Variants in RASGRP3 observed in about 807,000 individuals in gnomAD.
RASGRP3 encodes RAS guanyl releasing protein 3, also known as ras guanyl-releasing protein 3.
A neutral mutation model predicts 82.7 loss-of-function variants in RASGRP3; 54 were observed. The ratio of observed to expected loss-of-function variants is 0.65; its 90% CI spans 0.52 to 0.82. The LOEUF is 0.82. RASGRP3 is among the 40% of genes least tolerant of loss of function. RASGRP3 has a pLI of 0.00. For missense variants in RASGRP3, 861 were observed against 828.9 expected, an observed-to-expected ratio of 1.04 and a Z score of -0.48; for synonymous variants, 309 against 300.5, an observed-to-expected ratio of 1.03 and a Z score of -0.29.
At chr2:33,445,776 A>G (rs1023964871) in intron 1 of RASGRP3, among the ~76,000 whole-genome samples, 5 of 152,230 alleles carry the variant, frequency 3.3e-5, no homozygotes, top group Non-Finnish European at 5.9e-5. Context: ...AACCAAACAG[A>G]AAAAGTATAT....
chr2:33,525,077 T>C (rs184572657), intron 9 of RASGRP3, among the ~76,000 whole-genome samples: 4 of 120,688 alleles, frequency 3.3e-5, no homozygotes, highest in Admixed American at 1.9e-4. Context: ...CGAGACTCCA[T>C]CTCAAAAAAA....
intron 2 of RASGRP3, among the ~76,000 whole-genome samples, chr2:33,468,433 G>T (rs768652770): frequency 1.3e-5 from 2 of 150,460 alleles, no homozygotes; most frequent in Non-Finnish European, 3.0e-5. Context: ...ACGGAGTCTC[G>T]CTCTGTTGCC....
At chr2:33,532,116 G>T (rs370153852) in intron 10 of RASGRP3, 1 of 152,218 alleles carries the variant, frequency 6.6e-6, no homozygotes, top group Non-Finnish European at 1.5e-5. Context: ...GTTGTCTGTT[G>T]TGGGAATTAC....
Position 33,563,475 on chromosome 2 carries a change from T to C in RASGRP3, c.*738T>C, listed in dbSNP as rs1228170304. 2 of 152,188 alleles carry C rather than the reference T, an allele frequency of 1.3e-5. No individual in the cohort carries two copies. Among genetic ancestry groups the C allele is most frequent in the Non-Finnish European group, 1.5e-5 (1 of 68,020 alleles). The allele number at this position is 152,188 out of a possible 1,614,324, so 9.4% of individuals were successfully genotyped here. A position where few individuals can be genotyped will look rare whatever the true frequency, so the allele number is the denominator to read the frequency against. On this transcript the variant is annotated 3_prime_UTR_variant, in exon 18 of 18. Coordinates refer to ENST00000403687, the MANE Select transcript of RASGRP3 (RefSeq NM_001139488.2). ...TGGTCGTGAAAGCTCTCCTAATACT[T>C]ACTTAAATAGCCATGGAAGAAAATT...
intron 13 of RASGRP3, among the ~76,000 whole-genome samples, chr2:33,548,714 A>T (rs187582806): frequency 0.013 from 2,003 of 151,710 alleles, 20 homozygotes; most frequent in Non-Finnish European, 0.018. Flanking sequence ...TATTATTATT[A>T]TTATTTTTTG....
At chr2:33,456,553 G>C (rs1666046763) in intron 2 of RASGRP3, among the ~76,000 whole-genome samples, 1 of 152,078 alleles carries the variant, frequency 6.6e-6, no homozygotes, top group Non-Finnish European at 1.5e-5. Flanking sequence ...TTTAAATTCT[G>C]ATCTCAGTCT....
rs762776322 is a variant in RASGRP3 at position 33,539,153 on chromosome 2, G to T, written c.1221G>T (p.Gly407=). 5.0e-6 allele frequency: 8 copies of T among 1,612,092 alleles called. No homozygotes were observed. The highest frequency in any genetic ancestry group is 2.7e-5 in the African/African-American group (2 of 74,952). The part of the protein sequence containing the change: ...KPVVPLEWAL[G]VMPKPDPTVI... The stretch of plus-strand genomic sequence containing the variant: ...TGGTACCCCTGGAGTGGGCATTAGG[G>T]GTGATGCCAAAGCCAGACCCCACGG... The change falls in exon 12 of 18, where the codon GGG becomes GGT. Residue 407 remains glycine (G), a synonymous_variant. Transcript: ENST00000403687.
chr2:33,439,903 C>T (rs1249266590), intron 1 of RASGRP3, among the ~76,000 whole-genome samples: 4 of 152,108 alleles, frequency 2.6e-5, no homozygotes, highest in African/African-American at 9.7e-5. Flanking sequence ...GGGGAGAGAT[C>T]AGGGCACCGA....
At chr2:33,518,525 T>C (rs151078488) in intron 4 of RASGRP3, among the ~76,000 whole-genome samples, 2 of 152,298 alleles carry the variant, frequency 1.3e-5, no homozygotes, top group Admixed American at 6.5e-5. Context: ...CACCAAATTA[T>C]AAAAATATTT....
chr2:33,495,655 G>A (rs1320163686), intron 1 of RASGRP3, among the ~76,000 whole-genome samples: 1 of 152,222 alleles, frequency 6.6e-6, no homozygotes, highest in Non-Finnish European at 1.5e-5. Context: ...ACTCTGGGAG[G>A]CTGAGGCAGA....
At chr2:33,442,882 TG>T (rs1301638072) in intron 1 of RASGRP3, among the ~76,000 whole-genome samples, 1 of 41,950 alleles carries the variant, frequency 2.4e-5, no homozygotes, top group Non-Finnish European at 4.8e-5. Flanking sequence ...AAATCACTAT[TG>T]TTTTTTTTTT....
intron 13 of RASGRP3, among the ~76,000 whole-genome samples, chr2:33,547,442 A>G (rs560774728): frequency 1.4e-4 from 19 of 138,196 alleles, no homozygotes; most frequent in Middle Eastern, 4.2e-3. Flanking sequence ...CATAGGAGGT[A>G]AGAAAGGGAT....
intron 12 of RASGRP3, 78 bp from the exon 13 acceptor site, chr2:33,543,434 A>T: frequency 1.3e-6 from 1 of 791,882 alleles, no homozygotes; most frequent in Non-Finnish European, 2.1e-6. Flanking sequence ...ATCATATGCT[A>T]GTTATCGTTG....
chr2:33,554,476 CTCT>C (rs911327771), intron 14 of RASGRP3, among the ~76,000 whole-genome samples: 5 of 151,936 alleles, frequency 3.3e-5, no homozygotes, highest in African/African-American at 1.2e-4. Context: ...TGGCAAGGCC[CTCT>C]TCTTTTTTTT....
In RASGRP3 at chr2:33,519,999, T is replaced by C; in HGVS notation, c.221T>C (p.Ile74Thr). ...AGCTGCAATGAATTTCGATTAAAGA[T>C]CTGCTACTTCATGAGGTAAATATAT... ...GESCNEFRLK[I>T]CYFMRYWILK... Residue 74 changes from isoleucine to threonine, a missense_variant, in exon 5 of 18, where the codon ATC becomes ACC. Coordinates refer to ENST00000403687, the MANE Select transcript of RASGRP3 (RefSeq NM_001139488.2). 1 of 1,607,628 alleles carries C rather than the reference T, an allele frequency of 6.2e-7. No homozygotes were observed. Among genetic ancestry groups the C allele is most frequent in the Non-Finnish European group, 8.5e-7 (1 of 1,176,364 alleles).
chr2:33,472,299 C>T (rs546600838), upstream of RASGRP3, among the ~76,000 whole-genome samples: 7 of 152,180 alleles, frequency 4.6e-5, no homozygotes, highest in East Asian at 3.9e-4. Flanking sequence ...GAAATGCAAC[C>T]GCAGCGAAAT....
In RASGRP3 at chr2:33,500,837, G is replaced by A. The variant is rs917443429; in HGVS notation, c.-260-10873G>A. Among the ~76,000 whole-genome samples the A allele has an allele frequency of 2.6e-5, 4 of 152,188 alleles. No homozygotes were observed. In the South Asian group the frequency reaches 8.3e-4, roughly 32 times the overall value. On this transcript the variant is annotated intron_variant, in intron 1 of 17. Coordinates refer to ENST00000403687, the MANE Select transcript of RASGRP3 (RefSeq NM_001139488.2). ...TAATCCCAGCTACTCAGGTGGCTGAGGCAGGAGAATCGCTTGAACCTGGGA... is the reference window on the plus strand; with the variant it reads ...TAATCCCAGCTACTCAGGTGGCTGAAGCAGGAGAATCGCTTGAACCTGGGA...
upstream of RASGRP3, among the ~76,000 whole-genome samples, chr2:33,473,318 G>C (rs917511084): frequency 6.6e-6 from 1 of 152,072 alleles, no homozygotes; most frequent in Non-Finnish European, 1.5e-5. Context: ...GGGAGACGGA[G>C]CTTGCAGTGA....
At chr2:33,535,795 G>A (rs916759235) in intron 11 of RASGRP3, among the ~76,000 whole-genome samples, 1 of 152,194 alleles carries the variant, frequency 6.6e-6, no homozygotes, top group African/African-American at 2.4e-5. Flanking sequence ...TAGCAAGAAA[G>A]CCAAAGCTAT....
Sources: allele counts gnomAD v4.1 joint callset (sites outside exome capture counted in the v4.1 genomes callset), GRCh38; gene constraint gnomAD v4.1.1; transcripts MANE v1.5; gene names NCBI Gene and HGNC (gene_info 2026-07-23, HGNC 2026-07-21).